The following ADAM22 variants were observed in gnomAD, a reference collection of about 807,000 sequenced individuals.
ADAM22 encodes disintegrin and metalloproteinase domain-containing protein 22.
ADAM22 carries 65 observed loss-of-function variants against 144.6 expected under a neutral mutation model. That is an observed-to-expected ratio of 0.45 (90% CI 0.37 to 0.55). The LOEUF (loss-of-function observed/expected upper bound fraction) is 0.55, where lower values mean the gene tolerates loss of function less well. Among genes scored for constraint, ADAM22 ranks in the 20% least tolerant of loss-of-function variants. ADAM22 has a pLI of 0.00. For synonymous variants in ADAM22, 391 were observed against 412.6 expected (o/e 0.95, Z 0.63); for missense variants, 974 against 1,184.9 (o/e 0.82, Z 2.61).
chr7:88,131,433 T>C lies in ADAM22; in HGVS notation c.990T>C (p.Phe330=), dbSNP rs1233556149. ...AGAAAAGTGATGCAGTTCACCTTTT[T>C]TCGTACGTAACTTCTGTAATGATGT... ...IKEKSDAVHL[F]SGSQFESSRS... Residue 330 remains phenylalanine, a splice_region_variant and synonymous_variant, in exon 11 of 32, where the codon TTT becomes TTC. Transcript: ENST00000413139. The C allele has an allele frequency of 2.5e-6, 4 of 1,613,470 alleles. No individual in the cohort carries two copies. Among genetic ancestry groups the C allele is most frequent in the Non-Finnish European group, 3.4e-6 (4 of 1,179,660 alleles).
chr7:88,189,426 C>A (rs142363854), intron 30 of ADAM22, among the ~76,000 whole-genome samples: 1 of 152,282 alleles, frequency 6.6e-6, no homozygotes, highest in Non-Finnish European at 1.5e-5. Context: ...TATGATATAC[C>A]TTTATTCCTC....
chr7:88,001,967 GT>G (rs1000252368), intron 3 of ADAM22, among the ~76,000 whole-genome samples: 5 of 150,888 alleles, frequency 3.3e-5, no homozygotes, highest in African/African-American at 7.3e-5. Flanking sequence ...GGAGGTCAGG[GT>G]TTTTTTTTAC....
intron 3 of ADAM22, among the ~76,000 whole-genome samples, 182 bp downstream of exon 3, chr7:87,978,594 C>T (rs548756458): frequency 2.9e-4 from 44 of 152,252 alleles, no homozygotes; most frequent in African/African-American, 8.7e-4. Context: ...AATATATATT[C>T]ATTTGAAATT....
In ADAM22 at chr7:87,994,407, C is replaced by T. The variant is rs1364657840; in HGVS notation, c.323+15995C>T. Among the ~76,000 whole-genome samples, 14 of 152,086 alleles carry T rather than the reference C, an allele frequency of 9.2e-5. No homozygotes were observed. The East Asian group carries it at 1.7e-3, about 19-fold the overall frequency. On this transcript the variant is annotated intron_variant, in intron 3 of 31. Coordinates refer to ENST00000413139, the MANE Select transcript of ADAM22 (RefSeq NM_001324418.2). ...CGATCTCCTGACCTCGTGATCCGCC[C>T]GCCTCGGCCTCCCAAAGTGCTGGGA...
chr7:87,964,187 T>C (rs1030190546), intron 2 of ADAM22, among the ~76,000 whole-genome samples: 3 of 152,170 alleles, frequency 2.0e-5, no homozygotes, highest in South Asian at 2.1e-4. Context: ...ACTAGAAAGT[T>C]TGCTTGCTTT....
chr7:87,982,874 A>G (rs574141042), intron 3 of ADAM22, among the ~76,000 whole-genome samples: 1 of 150,796 alleles, frequency 6.6e-6, no homozygotes, highest in South Asian at 2.1e-4. Context: ...TATTTTTAGT[A>G]GAGATGGAGT....
At chr7:88,013,750 T>C (rs1387533408) in intron 3 of ADAM22, among the ~76,000 whole-genome samples, 1 of 152,178 alleles carries the variant, frequency 6.6e-6, no homozygotes, top group Admixed American at 6.5e-5. Flanking sequence ...CTGAATGTTA[T>C]ATGGAAATGA....
chr7:88,029,976 C>A (rs1260870845), intron 3 of ADAM22, among the ~76,000 whole-genome samples: 1 of 151,878 alleles, frequency 6.6e-6, no homozygotes, highest in African/African-American at 2.4e-5. Flanking sequence ...TCTTGGTGTT[C>A]TGTAATCTTC....
chr7:87,988,295 G>T (rs1788943817), intron 3 of ADAM22, among the ~76,000 whole-genome samples: 1 of 152,226 alleles, frequency 6.6e-6, no homozygotes, highest in Non-Finnish European at 1.5e-5. Flanking sequence ...TGGCATCTTG[G>T]TCACTGTTAT....
Position 88,054,433 on chromosome 7 carries a change from T to C in ADAM22, c.324-21193T>C, listed in dbSNP as rs866604269. 2.0e-5 allele frequency among the ~76,000 whole-genome samples: 3 copies of C among 152,282 alleles called. 1 individual carries two copies. The highest frequency in any genetic ancestry group is 1.5e-5 in the Non-Finnish European group (1 of 68,018). ...TATATTATTAGAAAGCTCTGCCTAT[T>C]ATGTGCCTGTTCCACCACAGCTCCC... is the stretch of plus-strand genomic sequence containing the variant. On this transcript the variant is annotated intron_variant, in intron 3 of 31. Transcript: ENST00000413139.
At chr7:88,108,117 A>G in intron 4 of ADAM22, 59 bp from the exon 5 acceptor site, 2 of 1,427,818 alleles carry the variant, frequency 1.4e-6, no homozygotes, top group Admixed American at 1.8e-5. Context: ...CTCCTGTGAA[A>G]TGAAGCAGCT....
At chr7:88,171,787 G>C (rs1429684633) in intron 26 of ADAM22, among the ~76,000 whole-genome samples, 2 of 151,498 alleles carry the variant, frequency 1.3e-5, no homozygotes, top group South Asian at 4.1e-4. Context: ...TTTATCCAAC[G>C]ATACTACAAT....
chr7:88,126,288 T>A (rs1345411530), intron 8 of ADAM22, among the ~76,000 whole-genome samples: 1 of 151,976 alleles, frequency 6.6e-6, no homozygotes, highest in Non-Finnish European at 1.5e-5. Flanking sequence ...GGTAAACAGT[T>A]TAGACAAAAT....
intron 2 of ADAM22, chr7:87,964,574 C>A: frequency 2.6e-6 from 1 of 386,812 alleles, no homozygotes; most frequent in Non-Finnish European, 4.9e-6. Context: ...TATTTTTCAA[C>A]CCCTTAGGTT....
intron 3 of ADAM22, among the ~76,000 whole-genome samples, chr7:88,032,219 C>G (rs571166362): frequency 6.6e-6 from 1 of 152,326 alleles, no homozygotes; most frequent in South Asian, 2.1e-4. Context: ...TGCAGGTACT[C>G]AACACCAGCC....
intron 5 of ADAM22, among the ~76,000 whole-genome samples, chr7:88,109,040 A>G (rs752620144): frequency 6.6e-6 from 1 of 152,072 alleles, no homozygotes; most frequent in African/African-American, 2.4e-5. Flanking sequence ...CCTTCTTTAT[A>G]TTAGTTTTTA....
chr7:87,954,782 A>G (rs1161144256), intron 2 of ADAM22, among the ~76,000 whole-genome samples: 6 of 152,174 alleles, frequency 3.9e-5, no homozygotes, highest in Non-Finnish European at 8.8e-5. Context: ...AGGTACACCA[A>G]TCAGACGCAG....
chr7:87,985,904 A>AT (rs1307929641), intron 3 of ADAM22, among the ~76,000 whole-genome samples: 2 of 151,920 alleles, frequency 1.3e-5, no homozygotes, highest in Non-Finnish European at 2.9e-5. Context: ...TAGGCTTTTG[A>AT]TTTTTTTAAA....
chr7:88,145,385 T>TGAAAC lies in ADAM22; in HGVS notation c.1393-28_1393-27insAACGA, dbSNP rs200184902. 2,315 of 1,578,688 alleles carry TGAAAC rather than the reference T, an allele frequency of 1.5e-3. 32 individuals are homozygous for TGAAAC. In the African/African-American group the frequency reaches 0.028, roughly 19 times the overall value. On this transcript the variant is annotated intron_variant, in intron 16 of 31. Transcript: ENST00000413139. ...CTTTCAGGAAAGTGACACCGTTTTC[T>TGAAAC]GATGTTTTGAAAATGTTTATATTCC...
Sources: gnomAD v4.1 joint callset for allele counts (sites outside exome capture counted in the v4.1 genomes callset) on GRCh38, gnomAD v4.1.1 for gene constraint, MANE v1.5 for transcripts, NCBI Gene and HGNC (gene_info 2026-07-23, HGNC 2026-07-21) for gene names.